Variants in TBCD observed in about 807,000 individuals in gnomAD.
TBCD encodes the protein tubulin-specific chaperone D.
TBCD carries 105 observed loss-of-function variants against 169.3 expected under a neutral mutation model. The observed-to-expected ratio is 0.62, with a 90% CI of 0.53 to 0.73. The LOEUF (loss-of-function observed/expected upper bound fraction) is 0.73. Ranked by LOEUF, TBCD falls within the 30% of genes least tolerant of loss-of-function variation. The pLI, the probability that TBCD is intolerant of heterozygous loss-of-function variation, is 0.00. For missense variants in TBCD, 1,444 were observed against 1,600.1 expected (o/e 0.90, Z 1.66); for synonymous variants, 700 against 643.9 (o/e 1.09, Z -1.32).
chr17:82,779,560 C>A (rs1230775818), intron 6 of TBCD, among the ~76,000 whole-genome samples: 1 of 152,232 alleles, frequency 6.6e-6, no homozygotes, highest in Non-Finnish European at 1.5e-5. Context: ...TGCCAGCCGT[C>A]CTGTCAGCTG....
intron 7 of TBCD, among the ~76,000 whole-genome samples, chr17:82,784,929 C>T (rs566137261): frequency 1.1e-4 from 16 of 152,106 alleles, no homozygotes; most frequent in African/African-American, 2.9e-4. Flanking sequence ...CCCGACCCAT[C>T]GCAGCGACAG....
At chr17:82,837,897 A>G (rs1265509030) in intron 13 of TBCD, among the ~76,000 whole-genome samples, 3 of 152,370 alleles carry the variant, frequency 2.0e-5, no homozygotes, top group South Asian at 4.1e-4. Flanking sequence ...CAGTGTCTAC[A>G]CTAAAGGGCG....
chr17:82,910,977 C>G (rs1042036760), intron 22 of TBCD, among the ~76,000 whole-genome samples: 5 of 152,148 alleles, frequency 3.3e-5, no homozygotes, highest in African/African-American at 1.2e-4. Context: ...CAGGCTGCTC[C>G]CAAGAGGTCC....
rs2147192482 is a variant in TBCD, at chr17:82,923,641, C to G, written c.2179-11C>G. Reference sequence around the variant, plus strand: ...AGCTGCTGTGCGCTCACCGTGCTGCCTTTGTTTTAGGATGCAGCAGTCTCG... The same window carrying G: ...AGCTGCTGTGCGCTCACCGTGCTGCGTTTGTTTTAGGATGCAGCAGTCTCG... On this transcript the variant is annotated splice_polypyrimidine_tract_variant and intron_variant, in intron 25 of 38. Coordinates refer to ENST00000355528, the MANE Select transcript of TBCD (RefSeq NM_005993.5). The surrounding 1 kb of genome is among the most constrained non-coding windows in gnomAD (Gnocchi z 4.6). 5 of 1,564,240 alleles carry G rather than the reference C, an allele frequency of 3.2e-6. No homozygotes were observed. The highest frequency in any genetic ancestry group is 4.3e-6 in the Non-Finnish European group (5 of 1,153,490).
intron 13 of TBCD, among the ~76,000 whole-genome samples, chr17:82,822,678 C>A (rs576447798): frequency 1.2e-3 from 180 of 152,226 alleles, no homozygotes; most frequent in African/African-American, 3.9e-3. Flanking sequence ...ATTCGGGAGC[C>A]ACCACAGTGT....
rs1467584559 is a variant in TBCD at position 82,899,264 on chromosome 17, CGTGTCCTCAGCGCGT to C, written c.1650-1376_1650-1362del. On this transcript the variant is annotated intron_variant, in intron 17 of 38. Coordinates refer to ENST00000355528, the MANE Select transcript of TBCD (RefSeq NM_005993.5). ...CCTCAGCGCACGTGTCCTCAGCGTG[CGTGTCCTCAGCGCGT>C]GTGTCCTCAGTGCGTGTGTCCTCCG... Among the ~76,000 whole-genome samples the C allele has an allele frequency of 9.5e-4, 137 of 144,614 alleles. 1 individual carries two copies. The highest frequency in any genetic ancestry group is 3.5e-3 in the African/African-American group (133 of 38,214). The allele number at this position is 144,614 out of a possible 152,430, so 94.9% of individuals were successfully genotyped here. A position where few individuals can be genotyped will look rare whatever the true frequency, so the allele number is the denominator to read the frequency against.
At position 82,929,760 on chromosome 17, in the gene TBCD, C is replaced by T. The variant is rs1208957940; in HGVS notation, c.2991+260C>T. On this transcript the variant is annotated intron_variant, in intron 32 of 38. Transcript: ENST00000355528. ...TCCTGCGGCCGCAGCCTTGGAGCTCCCAGCGTCCCCTCGGGGTTCAATCCT... is the reference window on the plus strand; with the variant it reads ...TCCTGCGGCCGCAGCCTTGGAGCTCTCAGCGTCCCCTCGGGGTTCAATCCT... 11 of 600,490 alleles carry T rather than the reference C, an allele frequency of 1.8e-5. No individual in the cohort carries two copies. The East Asian group carries it at 2.8e-4, about 16-fold the overall frequency. The allele number at this position is 600,490 out of a possible 1,614,324, so 37.2% of individuals were successfully genotyped here. A position where few individuals can be genotyped will look rare whatever the true frequency, so the allele number is the denominator to read the frequency against.
chr17:82,753,581 C>G (rs915327795), intron 1 of TBCD, among the ~76,000 whole-genome samples: 4 of 151,410 alleles, frequency 2.6e-5, no homozygotes, highest in African/African-American at 7.3e-5. Flanking sequence ...CTTAGCCTCC[C>G]GAGTAGCTGG....
At chr17:82,828,095 AC>A (rs1310779058) in intron 13 of TBCD, among the ~76,000 whole-genome samples, 170 of 139,470 alleles carry the variant, frequency 1.2e-3, no homozygotes, top group African/African-American at 3.6e-3. Flanking sequence ...TCGAATGCAC[AC>A]CCCCCCGCAG....
intron 12 of TBCD, among the ~76,000 whole-genome samples, chr17:82,812,830 G>A (rs1012449230): frequency 7.2e-5 from 11 of 152,236 alleles, no homozygotes; most frequent in Middle Eastern, 3.4e-3. Flanking sequence ...CTGAGCCACC[G>A]CGCCCGGCTG....
chr17:82,832,227 G>A lies in TBCD; in HGVS notation c.1318+17293G>A, dbSNP rs368037376. 10 of 1,614,228 alleles carry A rather than the reference G, an allele frequency of 6.2e-6. No homozygotes were observed. The highest frequency in any genetic ancestry group is 8.5e-6 in the Non-Finnish European group (10 of 1,180,050). On this transcript the variant is annotated intron_variant, in intron 13 of 38. Coordinates refer to ENST00000355528, the MANE Select transcript of TBCD (RefSeq NM_005993.5). The surrounding 1 kb of genome is among the most constrained non-coding windows in gnomAD (Gnocchi z 4.9). ...GCTTCGCCGTGGCATCGGGCTGGTT[G>A]GTTTGCTTGGGGTCTAGTGAGTTAG...
chr17:82,807,227 T>G (rs931839805), intron 10 of TBCD, among the ~76,000 whole-genome samples: 1 of 152,220 alleles, frequency 6.6e-6, no homozygotes, highest in Admixed American at 6.5e-5. Context: ...GGGAGAGACG[T>G]CTTCGTGCAG....
intron 13 of TBCD, among the ~76,000 whole-genome samples, chr17:82,855,993 CTT>C (rs60978063): frequency 3.0e-5 from 2 of 66,270 alleles, no homozygotes; most frequent in African/African-American, 1.4e-4. Flanking sequence ...TCCCCCCCCA[CTT>C]TTTTTTTTTT....
At chr17:82,827,541 ACTTGACCACTG>A (rs2052968744) in intron 13 of TBCD, among the ~76,000 whole-genome samples, 1 of 152,194 alleles carries the variant, frequency 6.6e-6, no homozygotes, top group Admixed American at 6.5e-5. Flanking sequence ...ACATGCCGGT[ACTTGACCACTG>A]CTTTAAACCC....
At chr17:82,875,618 C>T (rs551595295) in intron 14 of TBCD, among the ~76,000 whole-genome samples, 9 of 152,292 alleles carry the variant, frequency 5.9e-5, no homozygotes, top group East Asian at 3.9e-4. Context: ...AGGGAGGATC[C>T]GCCGAGGCCT....
At chr17:82,779,835 TGGGG>T in intron 6 of TBCD, among the ~76,000 whole-genome samples, 1 of 151,618 alleles carries the variant, frequency 6.6e-6, no homozygotes, top group African/African-American at 2.4e-5. Context: ...TCACCTTGCC[TGGGG>T]TCTCCACGTA....
intron 2 of TBCD, among the ~76,000 whole-genome samples, chr17:82,758,302 C>G (rs1455084454): frequency 7.1e-6 from 1 of 139,900 alleles, no homozygotes; most frequent in Non-Finnish European, 1.5e-5. Flanking sequence ...GAGAATTGCC[C>G]GAACCCAGGA....
intron 13 of TBCD, among the ~76,000 whole-genome samples, chr17:82,836,715 CAAAAAACA>C (rs780268524): frequency 8.9e-4 from 135 of 151,440 alleles, no homozygotes; most frequent in African/African-American, 1.9e-3. Flanking sequence ...AAAACAAAAC[CAAAAAACA>C]AAAAAACAAA....
chr17:82,759,991 A>AT (rs1434071264), intron 2 of TBCD, among the ~76,000 whole-genome samples: 2 of 149,934 alleles, frequency 1.3e-5, no homozygotes, highest in African/African-American at 2.5e-5. Flanking sequence ...GGTTCAAGAG[A>AT]TTCTCCTGCC....
Sources: allele counts gnomAD v4.1 joint callset (sites outside exome capture counted in the v4.1 genomes callset), GRCh38; gene constraint gnomAD v4.1.1; non-coding constraint Gnocchi (gnomAD v3.1); transcripts MANE v1.5; gene names NCBI Gene and HGNC (gene_info 2026-07-23, HGNC 2026-07-21).